Variants in ELMOD1 observed in about 807,000 individuals in gnomAD.
ELMOD1 encodes ELMO domain-containing protein 1.
In ELMOD1, 21 loss-of-function variants were observed where a neutral mutation model predicts 46.7. The ratio of observed to expected loss-of-function variants is 0.45; its 90% CI spans 0.32 to 0.65. ELMOD1 has a LOEUF of 0.65. ELMOD1 is among the 30% of genes least tolerant of loss of function. The pLI is 0.04. For synonymous variants in ELMOD1, 122 were observed against 138.2 expected, an observed-to-expected ratio of 0.88 and a Z score of 0.82; for missense variants, 348 against 407.8, an observed-to-expected ratio of 0.85 and a Z score of 1.26.
intron 2 of ELMOD1, 72 bp downstream of exon 2, chr11:107,618,278 A>G (rs1865893510): frequency 6.7e-7 from 1 of 1,486,574 alleles, no homozygotes; most frequent in Non-Finnish European, 9.2e-7. Context: ...GGGTAATATT[A>G]CCAGTCATCG....
intron 11 of ELMOD1, among the ~76,000 whole-genome samples, chr11:107,659,648 T>TGGGC (rs1866695622): frequency 2.0e-4 from 1 of 5,064 alleles, no homozygotes; most frequent in African/African-American, 2.9e-4. Flanking sequence ...GGGGGTTGGG[T>TGGGC]GGGTGGGTGG....
rs532919175 is a variant in ELMOD1, at chr11:107,615,832, G to A, written c.-85-2273G>A. ...GCATGCCCTTGAATTGGGGTTTGTC[G>A]AATGTTCTCATGATTAGACTGGGGT... On this transcript the variant is annotated intron_variant, in intron 1 of 11. Coordinates refer to ENST00000265840, the MANE Select transcript of ELMOD1 (RefSeq NM_018712.4). Among the ~76,000 whole-genome samples, 5 of 151,684 alleles carry A rather than the reference G, an allele frequency of 3.3e-5. No individual in the cohort carries two copies. In the East Asian group the frequency reaches 7.8e-4, roughly 24 times the overall value.
rs777147796 is a variant in ELMOD1, at chr11:107,665,243, G to T, written c.*46G>T. 2 of 1,588,612 alleles carry T rather than the reference G, an allele frequency of 1.3e-6. No homozygotes were observed. The highest frequency in any genetic ancestry group is 1.7e-6 in the Non-Finnish European group (2 of 1,162,648). ...GGATACCCTGGAACACTGCCTCATT[G>T]TCTTGTTAGATCTCTGCTTAGGTCG... On this transcript the variant is annotated 3_prime_UTR_variant, in exon 12 of 12. Coordinates refer to ENST00000265840, the MANE Select transcript of ELMOD1 (RefSeq NM_018712.4).
chr11:107,635,045 A>C (rs1866204261), intron 5 of ELMOD1, among the ~76,000 whole-genome samples: 1 of 152,108 alleles, frequency 6.6e-6, no homozygotes, highest in South Asian at 2.1e-4. Context: ...TGAGGAGGAC[A>C]CTCCTAAGTG....
intron 9 of ELMOD1, among the ~76,000 whole-genome samples, chr11:107,651,395 G>A (rs767174192): frequency 6.6e-6 from 1 of 152,094 alleles, no homozygotes; most frequent in Non-Finnish European, 1.5e-5. Flanking sequence ...TCGCATGATG[G>A]TAGGTTAGTT....
At chr11:107,664,956 G>C in intron 11 of ELMOD1, 69 bp from the exon 12 acceptor site, 1 of 1,430,948 alleles carries the variant, frequency 7.0e-7, no homozygotes, top group Non-Finnish European at 9.6e-7. Context: ...TCAGCATTCA[G>C]AATGATTTTG....
chr11:107,664,043 T>C (rs987512813), intron 11 of ELMOD1, among the ~76,000 whole-genome samples: 2 of 152,198 alleles, frequency 1.3e-5, no homozygotes, highest in Non-Finnish European at 2.9e-5. Context: ...TGGAGTGCAG[T>C]GGCGCAATCA....
intron 6 of ELMOD1, among the ~76,000 whole-genome samples, chr11:107,641,161 G>A (rs558221516): frequency 1.9e-4 from 29 of 152,092 alleles, no homozygotes; most frequent in South Asian, 1.7e-3. Context: ...GCGTGGTGGT[G>A]CACACCTGTA....
chr11:107,605,703 G>C (rs962490348), intron 1 of ELMOD1, among the ~76,000 whole-genome samples: 3 of 152,194 alleles, frequency 2.0e-5, no homozygotes, highest in Admixed American at 6.5e-5. Context: ...CTCTGGATGA[G>C]TGTTTTATTC....
intron 1 of ELMOD1, among the ~76,000 whole-genome samples, chr11:107,599,751 A>AAAAAAAAAT (rs1865561024): frequency 7.1e-6 from 1 of 141,254 alleles, no homozygotes; most frequent in Non-Finnish European, 1.5e-5. Context: ...AAAAAAAAAA[A>AAAAAAAAAT]GAAAAAAAGA....
chr11:107,657,451 C>T (rs184698298), intron 11 of ELMOD1, among the ~76,000 whole-genome samples: 1 of 152,218 alleles, frequency 6.6e-6, no homozygotes, highest in Admixed American at 6.5e-5. Context: ...CGCTTGAGCC[C>T]AAGGAGGCCA....
chr11:107,593,395 A>G (rs1478296259), intron 1 of ELMOD1, among the ~76,000 whole-genome samples: 1 of 152,264 alleles, frequency 6.6e-6, no homozygotes, highest in African/African-American at 2.4e-5. Flanking sequence ...AAAATCTTCG[A>G]TAAATTGTAT....
intron 1 of ELMOD1, among the ~76,000 whole-genome samples, chr11:107,617,308 A>C (rs1179357385): frequency 6.6e-6 from 1 of 152,164 alleles, no homozygotes; most frequent in Admixed American, 6.5e-5. Flanking sequence ...TTTCGAATGT[A>C]TATTCGTTTC....
intron 1 of ELMOD1, among the ~76,000 whole-genome samples, chr11:107,599,748 A>AAAAAG (rs1404236486): frequency 6.9e-6 from 1 of 144,344 alleles, no homozygotes; most frequent in African/African-American, 2.7e-5. Context: ...CTCAAAAAAA[A>AAAAAG]AAAGAAAAAA....
chr11:107,619,646 T>C lies in ELMOD1; in HGVS notation c.17+1440T>C, dbSNP rs577645357. Among the ~76,000 whole-genome samples the C allele has an allele frequency of 1.7e-3, 264 of 152,346 alleles. 1 individual carries two copies. Among genetic ancestry groups the C allele is most frequent in the African/African-American group, 5.3e-3 (221 of 41,578 alleles). On this transcript the variant is annotated intron_variant, in intron 2 of 11. Transcript: ENST00000265840. ...CTTGAGCAGCCTCAAAACCAGTAAT[T>C]TTAGGAAAAATAGTAGCCTTTGGTT...
At chr11:107,592,330 C>T (rs200450901) in intron 1 of ELMOD1, 41 of 533,276 alleles carry the variant, frequency 7.7e-5, no homozygotes, top group Non-Finnish European at 1.9e-5. Flanking sequence ...GGAAAATACG[C>T]TGCTAACCCC....
intron 1 of ELMOD1, among the ~76,000 whole-genome samples, chr11:107,605,263 A>C (rs1243177070): frequency 6.8e-6 from 1 of 147,868 alleles, no homozygotes; most frequent in Non-Finnish European, 1.5e-5. Context: ...GCAGTGGCGC[A>C]ATCTTGACCC....
At chr11:107,606,691 CG>C (rs1865690514) in intron 1 of ELMOD1, among the ~76,000 whole-genome samples, 1 of 151,948 alleles carries the variant, frequency 6.6e-6, no homozygotes, top group Non-Finnish European at 1.5e-5. Context: ...AAAAATTAGC[CG>C]GGTGTGGTGG....
chr11:107,618,450 C>A (rs1304143642), intron 2 of ELMOD1, among the ~76,000 whole-genome samples: 2 of 152,314 alleles, frequency 1.3e-5, no homozygotes, highest in Admixed American at 6.5e-5. Flanking sequence ...AAAAGCATGG[C>A]ACTTTAGACA....
Sources: allele counts gnomAD v4.1 joint callset (sites outside exome capture counted in the v4.1 genomes callset), GRCh38; gene constraint gnomAD v4.1.1; transcripts MANE v1.5; gene names NCBI Gene and HGNC (gene_info 2026-07-23, HGNC 2026-07-21).